PLCG2: variants seen among roughly 807,000 people sequenced by gnomAD.
The protein encoded by PLCG2 is phospholipase C gamma 2, also known as 1-phosphatidylinositol 4,5-bisphosphate phosphodiesterase gamma-2.
PLCG2 carries 69 observed loss-of-function variants against 175.6 expected under a neutral mutation model. The observed-to-expected ratio is 0.39, with a 90% CI of 0.32 to 0.48. PLCG2 has a LOEUF of 0.48. Ranked by LOEUF, PLCG2 falls within the 20% of genes least tolerant of loss-of-function variation. The probability of loss-of-function intolerance (pLI) is 0.91; values close to 1 mark genes in which losing one functional copy is unlikely to be tolerated. For synonymous variants in PLCG2, 827 were observed against 624.0 expected, an observed-to-expected ratio of 1.33 and a Z score of -4.85; for missense variants, 1,798 against 1,650.9, an observed-to-expected ratio of 1.09 and a Z score of -1.54.
intron 2 of PLCG2, among the ~76,000 whole-genome samples, chr16:81,832,227 C>T (rs1905289870): frequency 1.3e-5 from 2 of 152,226 alleles, no homozygotes; most frequent in Admixed American, 6.5e-5. Flanking sequence ...TCATTGTTAA[C>T]AGTGGTAGTG....
rs375034650 is a variant in PLCG2, at chr16:81,877,281, T to C, written c.649-3629T>C. ...CATCCTGGCTGACACGGTGAAACCCTGTCTCTACTAAAAATACAAAAAAAA... is the reference window on the plus strand; with the variant it reads ...CATCCTGGCTGACACGGTGAAACCCCGTCTCTACTAAAAATACAAAAAAAA... On this transcript the variant is annotated intron_variant, in intron 7 of 32. Coordinates refer to ENST00000564138, the MANE Select transcript of PLCG2 (RefSeq NM_002661.5). Among the ~76,000 whole-genome samples, 1,128 of 151,926 alleles carry C rather than the reference T, an allele frequency of 7.4e-3. 4 individuals carry two copies. Among genetic ancestry groups the C allele is most frequent in the South Asian group, 0.025 (119 of 4,808 alleles).
In PLCG2 at chr16:81,893,700, C is replaced by T. The variant is rs1200219084; in HGVS notation, c.987-9C>T. 6.3e-7 allele frequency: 1 copy of T among 1,596,034 alleles called. No homozygotes were observed. Among genetic ancestry groups the T allele is most frequent in the Non-Finnish European group, 8.6e-7 (1 of 1,165,196 alleles). The stretch of plus-strand genomic sequence containing the variant: ...ACTCTCACACGGCCACCTGCCTTCT[C>T]TCCTGCAGGTACCTTACAGGTGACC... On this transcript the variant is annotated splice_polypyrimidine_tract_variant and intron_variant, in intron 11 of 32. Coordinates refer to ENST00000564138, the MANE Select transcript of PLCG2 (RefSeq NM_002661.5).
At chr16:81,858,101 A>G in intron 3 of PLCG2, 162 bp from the exon 4 acceptor site, 1 of 616,974 alleles carries the variant, frequency 1.6e-6, no homozygotes, top group Non-Finnish European at 2.9e-6. Flanking sequence ...AGCAGGTCCT[A>G]GGGCCATGAC....
chr16:81,771,673 C>T (rs1041587202), intron 2 of PLCG2, among the ~76,000 whole-genome samples: 1 of 151,636 alleles, frequency 6.6e-6, no homozygotes. Context: ...AATTGTGACC[C>T]CCCCCAACCC....
chr16:81,821,882 T>TTTTC (rs1555509550), intron 2 of PLCG2, among the ~76,000 whole-genome samples: 8 of 152,048 alleles, frequency 5.3e-5, no homozygotes, highest in African/African-American at 1.9e-4. Flanking sequence ...TTTTTTTTTT[T>TTTTC]TTCCAGAGCA....
Position 81,958,106 on chromosome 16 carries a change from T to C in PLCG2, c.*108T>C, listed in dbSNP as rs1353660754. On this transcript the variant is annotated 3_prime_UTR_variant, in exon 33 of 33. Transcript: ENST00000564138. ...GGAAGACGCTAATCTGTGACATCTT[T>C]TCTTCAAGCCTGCCATCAAGGACAT... 3.8e-6 allele frequency: 3 copies of C among 787,628 alleles called. No homozygotes were observed. The highest frequency in any genetic ancestry group is 6.7e-6 in the Non-Finnish European group (3 of 447,972). 48.8% of individuals were successfully genotyped at this position (787,628 alleles called of 1,614,324 possible).
rs1366246792 is a variant in PLCG2, at chr16:81,794,171, C to G, written c.193+7989C>G. On this transcript the variant is annotated intron_variant, in intron 2 of 32. Transcript: ENST00000564138. ...TTGTGGGGAGATGCTAGGAAAAGAC[C>G]ACAAACACAGCCTGGAAAAGGGCTG... Among the ~76,000 whole-genome samples the G allele has an allele frequency of 3.9e-5, 6 of 152,178 alleles. No individual in the cohort carries two copies. The South Asian group carries it at 1.0e-3, about 26-fold the overall frequency.
At chr16:81,890,486 C>A (rs1034332882) in intron 10 of PLCG2, among the ~76,000 whole-genome samples, 19 of 152,174 alleles carry the variant, frequency 1.2e-4, no homozygotes, top group Non-Finnish European at 2.6e-4. Context: ...TTTCATAGCC[C>A]TTTCTTACTC....
chr16:81,854,432 A>G lies in PLCG2; in HGVS notation c.194-12A>G. ...TCCAGCTTCTAATTGGCTCATGTTA[A>G]TTTCATTTTAGTGGATATCATGGAA... On this transcript the variant is annotated splice_polypyrimidine_tract_variant and intron_variant, in intron 2 of 32. Transcript: ENST00000564138. 2 of 1,613,418 alleles carry G rather than the reference A, an allele frequency of 1.2e-6. No homozygotes were observed. The highest frequency in any genetic ancestry group is 1.7e-6 in the Non-Finnish European group (2 of 1,179,444).
At chr16:81,765,775 C>T (rs143742840) in intron 2 of PLCG2, among the ~76,000 whole-genome samples, 159 of 152,336 alleles carry the variant, frequency 1.0e-3, no homozygotes, top group African/African-American at 3.8e-3. Flanking sequence ...TTAGCCCCTT[C>T]TGAATGGTCT....
chr16:81,912,621 C>A lies in PLCG2; in HGVS notation c.1959C>A (p.Arg653=), dbSNP rs117835631. 32 of 1,613,020 alleles carry A rather than the reference C, an allele frequency of 2.0e-5. No individual in the cohort carries two copies. The highest frequency in any genetic ancestry group is 2.5e-5 in the Non-Finnish European group (30 of 1,179,830). Residue 653 remains arginine (R), a synonymous_variant, in exon 19 of 33, where the codon CGC becomes CGA. Transcript: ENST00000564138. The stretch of plus-strand genomic sequence containing the variant: ...GGTGGTACTATGACAGCCTGAGCCG[C>A]GGAGAGGCAGAGGACATGCTGATGA... ...SKPWYYDSLS[R]GEAEDMLMRI...
At chr16:81,870,798 C>G (rs1907476408) in intron 6 of PLCG2, 54 bp from the exon 7 acceptor site, 5 of 910,720 alleles carry the variant, frequency 5.5e-6, no homozygotes, top group South Asian at 4.4e-5. Flanking sequence ...TAGCATGGAG[C>G]CATTCTTACG....
At chr16:81,921,492 A>C (rs1555520756) in intron 21 of PLCG2, 1 of 568,860 alleles carries the variant, frequency 1.8e-6, no homozygotes, top group Non-Finnish European at 3.2e-6. Flanking sequence ...GTGTTTTGCT[A>C]AAATTCTGAG....
intron 2 of PLCG2, among the ~76,000 whole-genome samples, chr16:81,791,007 A>G (rs1297469167): frequency 6.6e-6 from 1 of 152,184 alleles, no homozygotes; most frequent in East Asian, 1.9e-4. Context: ...CAGCAATAAA[A>G]TGTCACTGGG....
chr16:81,781,476 A>G, intron 1 of PLCG2, among the ~76,000 whole-genome samples: 1 of 151,606 alleles, frequency 6.6e-6, no homozygotes, highest in Non-Finnish European at 1.5e-5. Context: ...TGTCGTACAT[A>G]TTGCATCTTT....
chr16:81,935,787 T>G, intron 26 of PLCG2: 1 of 985,424 alleles, frequency 1.0e-6, no homozygotes, highest in Non-Finnish European at 1.2e-6. Flanking sequence ...TTGTTCATCT[T>G]GTGTCTGTGG....
intron 2 of PLCG2, among the ~76,000 whole-genome samples, chr16:81,802,549 A>G (rs1327101252): frequency 3.3e-5 from 5 of 152,046 alleles, no homozygotes; most frequent in Non-Finnish European, 5.9e-5. Context: ...TGAGGAACCT[A>G]TAGATTTGTT....
intron 5 of PLCG2, among the ~76,000 whole-genome samples, chr16:81,863,879 G>A (rs542690221): frequency 6.6e-6 from 1 of 152,180 alleles, no homozygotes; most frequent in African/African-American, 2.4e-5. Flanking sequence ...GCAGGTGGAA[G>A]GCAGGTGGGT....
chr16:81,885,698 C>T lies in PLCG2; in HGVS notation c.765+2357C>T, dbSNP rs115630309. Among the ~76,000 whole-genome samples the T allele has an allele frequency of 8.3e-3, 1,264 of 152,182 alleles. 19 individuals carry two copies. The highest frequency in any genetic ancestry group is 0.029 in the African/African-American group (1,201 of 41,490). On this transcript the variant is annotated intron_variant, in intron 9 of 32. Coordinates refer to ENST00000564138, the MANE Select transcript of PLCG2 (RefSeq NM_002661.5). ...TTAACAGTAATTTTTAAATGCCATC[C>T]GATACCCAGCCTGCATTTGGATTTC...
Sources: allele counts gnomAD v4.1 joint callset (sites outside exome capture counted in the v4.1 genomes callset), GRCh38; gene constraint gnomAD v4.1.1; transcripts MANE v1.5; gene names NCBI Gene and HGNC (gene_info 2026-07-23, HGNC 2026-07-21).